STK10: variants seen among roughly 807,000 people sequenced by gnomAD.
The protein encoded by STK10 is serine/threonine kinase 10, also known as serine/threonine-protein kinase 10.
STK10 carries 78 observed loss-of-function variants against 113.8 expected under a neutral mutation model. The observed-to-expected ratio is 0.69, with a 90% confidence interval of 0.57 to 0.83. The LOEUF is 0.83. STK10 is among the 40% of genes least tolerant of loss of function. STK10 has a pLI of 0.00. For missense variants in STK10, 1,109 were observed against 1,280.1 expected (o/e 0.87, Z 2.04); for synonymous variants, 465 against 494.7 (o/e 0.94, Z 0.80).
chr5:172,091,337 T>C (rs1768700200), intron 9 of STK10, among the ~76,000 whole-genome samples: 1 of 152,156 alleles, frequency 6.6e-6, no homozygotes. Flanking sequence ...AGATTACGCA[T>C]AATCGTCATC....
At chr5:172,065,177 C>T (rs1007167742) in intron 12 of STK10, among the ~76,000 whole-genome samples, 2 of 152,152 alleles carry the variant, frequency 1.3e-5, no homozygotes, top group East Asian at 3.8e-4. Flanking sequence ...TTCCCTAATC[C>T]CTCTCCCCCC....
At chr5:172,160,169 CATTTCCCTACA>C (rs1247201113) in intron 1 of STK10, among the ~76,000 whole-genome samples, 1 of 149,274 alleles carries the variant, frequency 6.7e-6, no homozygotes, top group Non-Finnish European at 1.5e-5. Flanking sequence ...ACCACAAACA[CATTTCCCTACA>C]AAATGGCCCC....
chr5:172,078,620 A>T (rs1423871035), intron 12 of STK10, among the ~76,000 whole-genome samples: 5 of 58,742 alleles, frequency 8.5e-5, no homozygotes, highest in East Asian at 3.1e-4. Context: ...CCTCATCATT[A>T]AAAAAAAAAA....
At chr5:172,108,081 G>C in intron 4 of STK10, 1 of 432,236 alleles carries the variant, frequency 2.3e-6, no homozygotes, top group Non-Finnish European at 4.1e-6. Context: ...CTTCAGGAAA[G>C]CAATTTGGCA....
At position 172,082,981 on chromosome 5, in the gene STK10, G is replaced by A. The variant is rs1405973265; in HGVS notation, c.1789C>T (p.Arg597Cys). ...CTCACGTTGATTTCCTGTTCAAAAC[G>A]TTTATGCATTTGCTCCAGCTGCAGC... The part of the protein sequence containing the change: ...HELQLEQMHK[R>C]FEQEINAKKK... Residue 597 changes from arginine to cysteine, a missense_variant, in exon 11 of 19, where the codon CGT (arginine) becomes TGT (cysteine). Arg to Cys is a radical substitution (Grantham distance 180). Coordinates refer to ENST00000176763, the MANE Select transcript of STK10 (RefSeq NM_005990.4). This position sits in a 1 kb window ranked among gnomAD's most constrained non-coding sequence, Gnocchi z 4.3. 6.2e-7 allele frequency: 1 copy of A among 1,613,748 alleles called. No individual in the cohort carries two copies. Among genetic ancestry groups the A allele is most frequent in the South Asian group, 1.1e-5 (1 of 91,036 alleles).
At chr5:172,124,242 C>G (rs1769574774) in intron 3 of STK10, among the ~76,000 whole-genome samples, 1 of 152,126 alleles carries the variant, frequency 6.6e-6, no homozygotes, top group Non-Finnish European at 1.5e-5. Context: ...TATCATAACT[C>G]TTTAAAACTC....
At chr5:172,063,820 C>A (rs1314934403) in intron 13 of STK10, among the ~76,000 whole-genome samples, 1 of 152,174 alleles carries the variant, frequency 6.6e-6, no homozygotes, top group African/African-American at 2.4e-5. Flanking sequence ...GCTATGAATG[C>A]TGAAGCAGGT....
chr5:172,089,423 T>TGGATGGATGGATGGATGGAA (rs1292870078), intron 10 of STK10, among the ~76,000 whole-genome samples: 24 of 151,746 alleles, frequency 1.6e-4, no homozygotes, highest in Admixed American at 1.3e-3. Flanking sequence ...GATGGATGGA[T>TGGATGGATGGATGGATGGAA]GGATGGATGG....
chr5:172,132,691 G>C (rs1353035651), intron 2 of STK10, among the ~76,000 whole-genome samples: 1 of 152,154 alleles, frequency 6.6e-6, no homozygotes, highest in African/African-American at 2.4e-5. Flanking sequence ...TCAGTTTAAT[G>C]CATTGATCAT....
intron 2 of STK10, among the ~76,000 whole-genome samples, chr5:172,138,458 A>G (rs1561821768): frequency 6.6e-6 from 1 of 152,194 alleles, no homozygotes; most frequent in African/African-American, 2.4e-5. Context: ...ACATAATCTT[A>G]TATGTAGAAA....
intron 4 of STK10, among the ~76,000 whole-genome samples, chr5:172,115,478 C>G (rs1001005073): frequency 9.2e-5 from 14 of 152,112 alleles, no homozygotes; most frequent in African/African-American, 3.4e-4. Flanking sequence ...GGGATACGGT[C>G]CTGGCAGCGT....
intron 2 of STK10, among the ~76,000 whole-genome samples, chr5:172,153,210 C>G (rs1451454031): frequency 6.6e-6 from 1 of 151,992 alleles, no homozygotes; most frequent in Non-Finnish European, 1.5e-5. Flanking sequence ...CTCTTGAACA[C>G]AGGAGATAGA....
At chr5:172,088,585 T>C (rs1768622373) in intron 10 of STK10, among the ~76,000 whole-genome samples, 1 of 152,136 alleles carries the variant, frequency 6.6e-6, no homozygotes, top group African/African-American at 2.4e-5. Flanking sequence ...AAATATGTGA[T>C]TAATGTTCTA....
At chr5:172,117,340 ACTG>A (rs763811068) in intron 4 of STK10, 138 bp downstream of exon 4, 20 of 834,292 alleles carry the variant, frequency 2.4e-5, no homozygotes, top group Admixed American at 8.6e-5. Context: ...GAAGGGGAGA[ACTG>A]CTGACATGCC....
At position 172,044,958 on chromosome 5, in the gene STK10, T is replaced by G. The variant is rs759284138; in HGVS notation, c.2831A>C (p.Glu944Ala). Residue 944 changes from glutamate to alanine, a missense_variant, in exon 19 of 19, where the codon GAG becomes GCG. Glu to Ala is a moderately radical substitution (Grantham distance 107). Around this residue, in one of 5 missense-constraint regions of STK10, gnomAD observed 885 missense variants for 991.1 expected, o/e 0.89. Coordinates refer to ENST00000176763, the MANE Select transcript of STK10 (RefSeq NM_005990.4). The surrounding 1 kb of genome is among the most constrained non-coding windows in gnomAD (Gnocchi z 4.5). ...EQEMFFKLSE[E>A]AECPNPSTPS... ...GGTGGAGGGGTTTGGGCACTCCGCC[T>G]CCTCGCTCAGCTTGAAGAACATCTC... 1.2e-6 allele frequency: 2 copies of G among 1,614,182 alleles called. No individual in the cohort carries two copies. The highest frequency in any genetic ancestry group is 1.7e-6 in the Non-Finnish European group (2 of 1,180,026).
intron 1 of STK10, among the ~76,000 whole-genome samples, chr5:172,175,584 C>T (rs989242250): frequency 6.6e-6 from 1 of 151,830 alleles, no homozygotes; most frequent in Non-Finnish European, 1.5e-5. Context: ...CTGTGCTAGT[C>T]CTGCCTGCAC....
chr5:172,047,689 A>G (rs1561785605), intron 18 of STK10, among the ~76,000 whole-genome samples: 1 of 152,168 alleles, frequency 6.6e-6, no homozygotes, highest in Non-Finnish European at 1.5e-5. Flanking sequence ...TACAGTAAGC[A>G]GAACTGATGT....
rs551163396 is a variant in STK10, at chr5:172,079,052, T to C, written c.1989+3274A>G. 2.0e-4 allele frequency among the ~76,000 whole-genome samples: 30 copies of C among 152,208 alleles called. 2 individuals carry two copies. In the South Asian group the frequency reaches 6.2e-3, roughly 32 times the overall value. On this transcript the variant is annotated intron_variant, in intron 12 of 18. Transcript: ENST00000176763. ...CTACCCAGCTCTTATTCCAAGCAGA[T>C]ACTGGGTCTAACCCTGAATGTACTT...
intron 10 of STK10, among the ~76,000 whole-genome samples, chr5:172,087,168 C>CACTAGTGAAA (rs1189854267): frequency 4.4e-5 from 6 of 135,290 alleles, no homozygotes; most frequent in African/African-American, 1.7e-4. Context: ...TATGCAGATA[C>CACTAGTGAAA]ACTAGTGAAA....
Sources: allele counts gnomAD v4.1 joint callset (sites outside exome capture counted in the v4.1 genomes callset), GRCh38; gene constraint gnomAD v4.1.1; regional missense constraint gnomAD v4.1.1; non-coding constraint Gnocchi (gnomAD v3.1); transcripts MANE v1.5; gene names NCBI Gene and HGNC (gene_info 2026-07-23, HGNC 2026-07-21).